PCDH9: variants seen among roughly 807,000 people sequenced by gnomAD.
PCDH9 encodes the protein protocadherin-9.
Under a neutral mutation model 70.6 loss-of-function variants are expected in PCDH9, and 24 were observed. The ratio of observed to expected loss-of-function variants is 0.34; its 90% CI spans 0.25 to 0.48. PCDH9 has a LOEUF of 0.48. PCDH9 is among the 20% of genes least tolerant of loss of function. PCDH9 has a pLI of 0.99. For missense variants in PCDH9, 1,281 were observed against 1,503.6 expected (o/e 0.85, Z 2.45); for synonymous variants, 562 against 558.5 (o/e 1.01, Z -0.09).
At chr13:67,054,886 A>T (rs186483708) in intron 2 of PCDH9, among the ~76,000 whole-genome samples, 161 of 152,324 alleles carry the variant, frequency 1.1e-3, no homozygotes, top group Non-Finnish European at 1.6e-3. Flanking sequence ...GGTCCAAAAA[A>T]TACATATATT....
intron 3 of PCDH9, among the ~76,000 whole-genome samples, chr13:66,752,562 G>T (rs542795608): frequency 1.3e-5 from 2 of 152,302 alleles, no homozygotes; most frequent in African/African-American, 4.8e-5. Context: ...CTCGCAAATG[G>T]CTGGGATTAC....
chr13:66,468,423 G>T (rs1958556209), intron 4 of PCDH9, among the ~76,000 whole-genome samples: 1 of 152,034 alleles, frequency 6.6e-6, no homozygotes. Flanking sequence ...TAAAAGAAAA[G>T]GTAGATAACT....
rs1426868071 is a variant in PCDH9 at position 66,885,549 on chromosome 13, T to C, written c.3138+17955A>G. 2.6e-5 allele frequency among the ~76,000 whole-genome samples: 4 copies of C among 152,278 alleles called. No homozygotes were observed. The East Asian group carries it at 5.8e-4, about 22-fold the overall frequency. On this transcript the variant is annotated intron_variant, in intron 3 of 4. Coordinates refer to ENST00000377865, the MANE Select transcript of PCDH9 (RefSeq NM_203487.3). ...TATATTATAGAATATTTTTAAGATT[T>C]TGAATTCTTTATGAGAAAGAGAGAA...
chr13:66,307,254 G>GA (rs921128933), intron 4 of PCDH9, among the ~76,000 whole-genome samples: 3 of 151,476 alleles, frequency 2.0e-5, no homozygotes, highest in Non-Finnish European at 4.4e-5. Context: ...AAAATTGATG[G>GA]AAAAAAAATG....
At chr13:67,088,293 T>C (rs1343367889) in intron 2 of PCDH9, among the ~76,000 whole-genome samples, 2 of 151,976 alleles carry the variant, frequency 1.3e-5, no homozygotes, top group Non-Finnish European at 2.9e-5. Flanking sequence ...ATCTATCAGT[T>C]AGCATGAAAA....
At chr13:66,439,050 A>G (rs1197353127) in intron 4 of PCDH9, among the ~76,000 whole-genome samples, 1 of 152,194 alleles carries the variant, frequency 6.6e-6, no homozygotes, top group South Asian at 2.1e-4. Flanking sequence ...AAACATATTT[A>G]TACAGAAAAT....
intron 2 of PCDH9, among the ~76,000 whole-genome samples, chr13:66,954,311 T>C (rs2083232787): frequency 6.6e-6 from 1 of 152,224 alleles, no homozygotes; most frequent in Admixed American, 6.5e-5. Context: ...ACAACAATCC[T>C]GCAAGATAAA....
chr13:67,039,410 T>G (rs1376120287), intron 2 of PCDH9, among the ~76,000 whole-genome samples: 2 of 152,152 alleles, frequency 1.3e-5, no homozygotes, highest in African/African-American at 4.8e-5. Flanking sequence ...TCCAGTCAGA[T>G]CCTGGCTTCC....
rs929608762 is a variant in PCDH9, at chr13:66,691,328, G to T, written c.3139-59917C>A. ...GCTGAAATTACAGTCATGAGCCACC[G>T]CACCCGGCCAACATAAACATAAATC... is the stretch of plus-strand genomic sequence containing the variant. On this transcript the variant is annotated intron_variant, in intron 3 of 4. Coordinates refer to ENST00000377865, the MANE Select transcript of PCDH9 (RefSeq NM_203487.3). Among the ~76,000 whole-genome samples, 5 of 152,100 alleles carry T rather than the reference G, an allele frequency of 3.3e-5. No individual in the cohort carries two copies. In the East Asian group the frequency reaches 5.8e-4, roughly 18 times the overall value.
chr13:66,444,604 A>C (rs576790361), intron 4 of PCDH9, among the ~76,000 whole-genome samples: 1 of 152,118 alleles, frequency 6.6e-6, no homozygotes, highest in South Asian at 2.1e-4. Flanking sequence ...TCTGTCGCCC[A>C]GACTGAAGTG....
chr13:67,021,213 A>G (rs2084666868), intron 2 of PCDH9, among the ~76,000 whole-genome samples: 1 of 152,184 alleles, frequency 6.6e-6, no homozygotes, highest in Non-Finnish European at 1.5e-5. Context: ...GCTGTACTAT[A>G]CAAGTACTAG....
At chr13:66,659,182 G>A (rs2077972493) in intron 3 of PCDH9, among the ~76,000 whole-genome samples, 1 of 152,136 alleles carries the variant, frequency 6.6e-6, no homozygotes, top group South Asian at 2.1e-4. Context: ...CAATGCAATG[G>A]AAAATCGAAT....
chr13:66,708,403 G>T (rs1182576300), intron 3 of PCDH9, among the ~76,000 whole-genome samples: 5 of 136,994 alleles, frequency 3.6e-5, no homozygotes, highest in Non-Finnish European at 6.2e-5. Flanking sequence ...TTGAGATTTA[G>T]TTTTTTTTTT....
At chr13:67,071,305 C>G (rs554690664) in intron 2 of PCDH9, among the ~76,000 whole-genome samples, 46 of 152,118 alleles carry the variant, frequency 3.0e-4, no homozygotes, top group African/African-American at 1.1e-3. Context: ...ACATAAAAGG[C>G]TAAACTCACT....
At chr13:67,111,416 G>A (rs528964944) in intron 2 of PCDH9, among the ~76,000 whole-genome samples, 98 of 152,176 alleles carry the variant, frequency 6.4e-4, no homozygotes, top group African/African-American at 2.1e-3. Context: ...CAGGATAGGT[G>A]AGCATGAGGC....
chr13:67,092,544 A>T (rs994410561), intron 2 of PCDH9, among the ~76,000 whole-genome samples: 2 of 152,150 alleles, frequency 1.3e-5, no homozygotes, highest in Non-Finnish European at 2.9e-5. Flanking sequence ...TTGAGATTTG[A>T]ACTACTGCCA....
chr13:67,007,399 G>A (rs1450106703), intron 2 of PCDH9, among the ~76,000 whole-genome samples: 1 of 152,030 alleles, frequency 6.6e-6, no homozygotes, highest in Non-Finnish European at 1.5e-5. Context: ...TGAAAGAAGA[G>A]TTAAAACATA....
intron 2 of PCDH9, among the ~76,000 whole-genome samples, chr13:67,004,746 TTG>T (rs2084316901): frequency 6.6e-6 from 1 of 152,100 alleles, no homozygotes; most frequent in African/African-American, 2.4e-5. Flanking sequence ...GTTTCTTGAA[TTG>T]TGTTTCAGTT....
chr13:66,933,913 CG>C (rs372344440), intron 2 of PCDH9, among the ~76,000 whole-genome samples: 37 of 143,544 alleles, frequency 2.6e-4, no homozygotes, highest in African/African-American at 8.9e-4. Context: ...AAAAAGGGGG[CG>C]GGGGGGCAAA....
Sources: allele counts gnomAD v4.1 joint callset (sites outside exome capture counted in the v4.1 genomes callset), GRCh38; gene constraint gnomAD v4.1.1; transcripts MANE v1.5; gene names NCBI Gene and HGNC (gene_info 2026-07-23, HGNC 2026-07-21).